RAB35: variants seen among roughly 807,000 people sequenced by gnomAD.
The protein encoded by RAB35 is ras-related protein Rab-35.
Under a neutral mutation model 28.9 loss-of-function variants are expected in RAB35, and 4 were observed. The ratio of observed to expected loss-of-function variants is 0.14; its 90% confidence interval spans 0.07 to 0.32. The LOEUF (loss-of-function observed/expected upper bound fraction) is 0.32. RAB35 is among the 10% of genes least tolerant of loss of function. The probability of loss-of-function intolerance (pLI) is 1.00; values close to 1 mark genes in which losing one functional copy is unlikely to be tolerated. For synonymous variants in RAB35, 99 were observed against 105.1 expected, an observed-to-expected ratio of 0.94 and a Z score of 0.35; for missense variants, 128 against 274.0, an observed-to-expected ratio of 0.47 and a Z score of 3.76.
In RAB35 at chr12:120,103,252, C is replaced by CG. The variant is rs1875730965; in HGVS notation, c.227+573_227+574insC. On this transcript the variant is annotated intron_variant, in intron 3 of 5. Coordinates refer to ENST00000229340, the MANE Select transcript of RAB35 (RefSeq NM_006861.7). The surrounding 1 kb of genome is among the most constrained non-coding windows in gnomAD (Gnocchi z 6.1). ...ATCTGCGCAGGAGCCCAGCTTCCCC[C>CG]CGGCCTGCAGCTCAGCCACAAAGGT... Among the ~76,000 whole-genome samples the CG allele has an allele frequency of 6.6e-6, 1 of 152,228 alleles. No homozygotes were observed. Among genetic ancestry groups the CG allele is most frequent in the Non-Finnish European group, 1.5e-5 (1 of 68,042 alleles).
chr12:120,110,913 G>C (rs564171845), intron 1 of RAB35, among the ~76,000 whole-genome samples: 1 of 152,232 alleles, frequency 6.6e-6, no homozygotes, highest in South Asian at 2.1e-4. Flanking sequence ...GAGAGCCCGA[G>C]TCCCGGGTTG....
At chr12:120,116,457 C>A (rs1876342127) in intron 1 of RAB35, 142 bp downstream of exon 1, 1 of 508,838 alleles carries the variant, frequency 2.0e-6, no homozygotes, top group Non-Finnish European at 2.5e-6. Context: ...CCCCTCGGCG[C>A]ACCCCTGGGG....
At chr12:120,104,809 T>A (rs555591668) in intron 2 of RAB35, among the ~76,000 whole-genome samples, 176 of 152,148 alleles carry the variant, frequency 1.2e-3, no homozygotes, top group Middle Eastern at 3.4e-3. Context: ...AATTTTTGTG[T>A]TTTTAGTACA....
Position 120,103,980 on chromosome 12 carries a change from G to A in RAB35, c.104-31C>T. The A allele has an allele frequency of 6.2e-7, 1 of 1,611,502 alleles. No homozygotes were observed. Among genetic ancestry groups the A allele is most frequent in the Non-Finnish European group, 8.5e-7 (1 of 1,178,788 alleles). ...CACACAGGGCAGTTAACGAGGCCCA[G>A]CGCGGTATCTTCCCAGGCCCTGAGC... On this transcript the variant is annotated intron_variant, in intron 2 of 5. Coordinates refer to ENST00000229340, the MANE Select transcript of RAB35 (RefSeq NM_006861.7). This position sits in a 1 kb window ranked among gnomAD's most constrained non-coding sequence, Gnocchi z 6.1.
intron 3 of RAB35, among the ~76,000 whole-genome samples, chr12:120,099,976 CCT>C (rs1209496267): frequency 2.0e-5 from 3 of 152,230 alleles, no homozygotes. Context: ...CAGAGCTGTC[CCT>C]CTGTCCCCTC....
rs185668348 is a variant in RAB35 at position 120,096,952 on chromosome 12, C to G, written c.*293G>C. The G allele has an allele frequency of 1.1e-4, 160 of 1,409,000 alleles. No homozygotes were observed. The highest frequency in any genetic ancestry group is 1.4e-4 in the Non-Finnish European group (148 of 1,066,634). The allele number at this position is 1,409,000 out of a possible 1,614,324, so 87.3% of individuals were successfully genotyped here. On this transcript the variant is annotated 3_prime_UTR_variant, in exon 6 of 6. Coordinates refer to ENST00000229340, the MANE Select transcript of RAB35 (RefSeq NM_006861.7). ...GTGTGCGGCCGGGTAGAGCAATATA[C>G]ACTATGTACAGACTCTGCGAATCAG...
At chr12:120,107,770 G>A (rs1399646591) in intron 2 of RAB35, among the ~76,000 whole-genome samples, 2 of 142,466 alleles carry the variant, frequency 1.4e-5, no homozygotes, top group South Asian at 2.2e-4. Context: ...GGGAGGTTGA[G>A]ACAGGAGAAT....
At chr12:120,101,074 T>G (rs1875639388) in intron 3 of RAB35, among the ~76,000 whole-genome samples, 2 of 152,214 alleles carry the variant, frequency 1.3e-5, no homozygotes, top group Non-Finnish European at 2.9e-5. Flanking sequence ...GGGCTTTATC[T>G]GAGAGCAGAG....
rs888087982 is a variant in RAB35, at chr12:120,103,396, C to T, written c.227+430G>A. ...ACTTCCAAGGCATCAGTGCAGGTGACGGGAGCCTGCACAGGCCAACTCCAG... is the reference window on the plus strand; with the variant it reads ...ACTTCCAAGGCATCAGTGCAGGTGATGGGAGCCTGCACAGGCCAACTCCAG... On this transcript the variant is annotated intron_variant, in intron 3 of 5. Transcript: ENST00000229340. This position sits in a 1 kb window ranked among gnomAD's most constrained non-coding sequence, Gnocchi z 6.1. Among the ~76,000 whole-genome samples, 6 of 152,198 alleles carry T rather than the reference C, an allele frequency of 3.9e-5. No individual in the cohort carries two copies. Among genetic ancestry groups the T allele is most frequent in the Non-Finnish European group, 7.3e-5 (5 of 68,038 alleles).
chr12:120,098,239 G>T (rs1336275578), intron 5 of RAB35, among the ~76,000 whole-genome samples: 1 of 152,260 alleles, frequency 6.6e-6, no homozygotes, highest in Non-Finnish European at 1.5e-5. Flanking sequence ...CACGGACATA[G>T]GTGACCCGGG....
intron 3 of RAB35, among the ~76,000 whole-genome samples, chr12:120,100,679 G>A (rs1244191844): frequency 4.6e-5 from 7 of 152,280 alleles, no homozygotes; most frequent in Non-Finnish European, 5.9e-5. Flanking sequence ...CAACACGACC[G>A]CTGGGATCTC....
rs1594237188 is a variant in RAB35, at chr12:120,098,931, A to T, written c.357T>A (p.Gly119=). The change falls in exon 5 of 6, where the codon GGT becomes GGA. Residue 119 remains glycine, a synonymous_variant. Transcript: ENST00000229340. The part of the protein sequence containing the change: ...NCDDVCRILV[G]NKNDDPERKV... ...TCCGCTCAGGGTCGTCATTCTTATT[A>T]CCCACTTCAAACGAAGGCAGAGTCA... is the stretch of plus-strand genomic sequence containing the variant. 1.2e-6 allele frequency: 2 copies of T among 1,614,204 alleles called. No individual in the cohort carries two copies. The highest frequency in any genetic ancestry group is 1.7e-6 in the Non-Finnish European group (2 of 1,180,040).
intron 3 of RAB35, among the ~76,000 whole-genome samples, chr12:120,100,630 G>A (rs1875619512): frequency 6.6e-6 from 1 of 152,114 alleles, no homozygotes; most frequent in Admixed American, 6.5e-5. Flanking sequence ...AGCCCAACCT[G>A]CCCCTGCCAC....
In RAB35 at chr12:120,096,805, A is replaced by T. The variant is rs543534052; in HGVS notation, c.*440T>A. ...ACTGGCACGGGCTGGCCGCAGACGC[A>T]GCTAGAACGTGCCGCTGTCTCCTCA... On this transcript the variant is annotated 3_prime_UTR_variant, in exon 6 of 6. Transcript: ENST00000229340. The T allele has an allele frequency of 7.7e-7, 1 of 1,291,786 alleles. No homozygotes were observed. Among genetic ancestry groups the T allele is most frequent in the Admixed American group, 2.3e-5 (1 of 43,626 alleles). The allele number at this position is 1,291,786 out of a possible 1,614,324, so 80.0% of individuals were successfully genotyped here. A position where few individuals can be genotyped will look rare whatever the true frequency, so the allele number is the denominator to read the frequency against.
At chr12:120,116,352 G>A (rs568348588) in intron 1 of RAB35, among the ~76,000 whole-genome samples, 1 of 152,054 alleles carries the variant, frequency 6.6e-6, no homozygotes, top group Admixed American at 6.5e-5. Flanking sequence ...ACTTGACCAA[G>A]GTCACACGTG....
intron 1 of RAB35, among the ~76,000 whole-genome samples, chr12:120,113,812 C>T (rs567911615): frequency 3.0e-5 from 4 of 131,704 alleles, no homozygotes; most frequent in African/African-American, 7.1e-5. Flanking sequence ...AGCGAGACTC[C>T]GTCTCAAAAA....
At chr12:120,098,727 T>C (rs1198521875) in intron 5 of RAB35, 84 bp downstream of exon 5, 5 of 1,563,850 alleles carry the variant, frequency 3.2e-6, no homozygotes, top group Non-Finnish European at 3.5e-6. Context: ...TTTCTGTTGG[T>C]CATTTAGATG....
At chr12:120,115,821 C>T (rs1038011363) in intron 1 of RAB35, among the ~76,000 whole-genome samples, 2 of 152,158 alleles carry the variant, frequency 1.3e-5, no homozygotes, top group South Asian at 2.1e-4. Flanking sequence ...AGTAGTGTAA[C>T]AGCAAACAGT....
At chr12:120,105,603 ACAC>A (rs1875837484) in intron 2 of RAB35, among the ~76,000 whole-genome samples, 1 of 152,096 alleles carries the variant, frequency 6.6e-6, no homozygotes, top group Admixed American at 6.6e-5. Context: ...ACATCCTTCG[ACAC>A]GCAGGATAGC....
Sources: gnomAD v4.1 joint callset for allele counts (sites outside exome capture counted in the v4.1 genomes callset) on GRCh38, gnomAD v4.1.1 for gene constraint, Gnocchi (gnomAD v3.1) non-coding constraint, MANE v1.5 for transcripts, NCBI Gene and HGNC (gene_info 2026-07-23, HGNC 2026-07-21) for gene names.